Variants in PRKG1 observed in about 807,000 individuals in gnomAD.
PRKG1 encodes the protein protein kinase cGMP-dependent 1.
Under a neutral mutation model 88.1 loss-of-function variants are expected in PRKG1, and 35 were observed. The ratio of observed to expected loss-of-function variants is 0.40; its 90% CI spans 0.30 to 0.53. PRKG1 has a LOEUF of 0.53. PRKG1 is among the 20% of genes least tolerant of loss of function. The pLI, the probability that PRKG1 is intolerant of heterozygous loss-of-function variation, is 0.59. For synonymous variants in PRKG1, 303 were observed against 292.5 expected, an observed-to-expected ratio of 1.04 and a Z score of -0.37; for missense variants, 540 against 839.8, an observed-to-expected ratio of 0.64 and a Z score of 4.41.
intron 1 of PRKG1, among the ~76,000 whole-genome samples, chr10:51,088,770 G>T (rs1482021140): frequency 1.3e-5 from 2 of 150,832 alleles, no homozygotes; most frequent in African/African-American, 4.9e-5. Flanking sequence ...CATCCTTGGA[G>T]CCCAGAAATG....
At chr10:52,190,910 A>C (rs1171016305) in intron 9 of PRKG1, among the ~76,000 whole-genome samples, 1 of 152,180 alleles carries the variant, frequency 6.6e-6, no homozygotes, top group Non-Finnish European at 1.5e-5. Flanking sequence ...ATTTCCTCCC[A>C]AATACATCCT....
intron 9 of PRKG1, among the ~76,000 whole-genome samples, chr10:52,178,548 G>T (rs1838927239): frequency 6.6e-6 from 1 of 151,704 alleles, no homozygotes; most frequent in Non-Finnish European, 1.5e-5. Context: ...ATGTTTCTTT[G>T]TTGATTTTTT....
chr10:52,246,467 T>C (rs1320622336), intron 9 of PRKG1, among the ~76,000 whole-genome samples: 1 of 152,170 alleles, frequency 6.6e-6, no homozygotes, highest in Admixed American at 6.5e-5. Flanking sequence ...CTTGTAACTT[T>C]ACATTTTTAT....
intron 4 of PRKG1, among the ~76,000 whole-genome samples, chr10:51,884,466 A>AAAAG (rs1841519477): frequency 7.2e-6 from 1 of 139,540 alleles, no homozygotes; most frequent in Non-Finnish European, 1.5e-5. Flanking sequence ...AAAAAAAAAA[A>AAAAG]AAAAGAAAAG....
intron 2 of PRKG1, among the ~76,000 whole-genome samples, chr10:51,443,880 C>T (rs1032091620): frequency 1.3e-5 from 2 of 151,942 alleles, no homozygotes; most frequent in African/African-American, 4.8e-5. Context: ...ATCTTGAAGT[C>T]TTGTTAAATC....
At chr10:51,707,066 T>A (rs917720364) in intron 3 of PRKG1, among the ~76,000 whole-genome samples, 1 of 152,172 alleles carries the variant, frequency 6.6e-6, no homozygotes, top group Non-Finnish European at 1.5e-5. Flanking sequence ...ATTTTCAAGT[T>A]GTACAACCTT....
At chr10:51,600,397 G>A (rs1276765289) in intron 3 of PRKG1, among the ~76,000 whole-genome samples, 3 of 152,232 alleles carry the variant, frequency 2.0e-5, no homozygotes, top group East Asian at 1.9e-4. Flanking sequence ...GCTGGAAGTT[G>A]GGATACTTTT....
chr10:50,991,198 G>A lies in PRKG1; in HGVS notation c.-181G>A. The A allele has an allele frequency of 2.4e-6, 2 of 817,576 alleles. No homozygotes were observed. The highest frequency in any genetic ancestry group is 3.6e-6 in the Non-Finnish European group (2 of 551,622). 50.6% of individuals were successfully genotyped at this position (817,576 alleles called of 1,614,324 possible). ...TGCTTTTAGTCCATTCAGCAGAAGCGGATCGAAGCAGGAGGCTCCCCGCGC... is the reference window on the plus strand; with the variant it reads ...TGCTTTTAGTCCATTCAGCAGAAGCAGATCGAAGCAGGAGGCTCCCCGCGC... On this transcript the variant is annotated 5_prime_UTR_variant, in exon 1 of 18. Transcript: ENST00000401604. This position sits in a 1 kb window ranked among gnomAD's most constrained non-coding sequence, Gnocchi z 4.5.
intron 3 of PRKG1, among the ~76,000 whole-genome samples, chr10:51,511,094 A>G (rs890983671): frequency 5.9e-5 from 9 of 152,102 alleles, no homozygotes; most frequent in African/African-American, 1.7e-4. Context: ...GTGTTTCATT[A>G]TATAGTTTAA....
Position 52,282,329 on chromosome 10 carries a change from A to G in PRKG1, c.1709+13A>G. 6.3e-7 allele frequency: 1 copy of G among 1,576,938 alleles called. No individual in the cohort carries two copies. Among genetic ancestry groups the G allele is most frequent in the Non-Finnish European group, 8.6e-7 (1 of 1,158,596 alleles). On this transcript the variant is annotated intron_variant, in intron 14 of 17. Coordinates refer to ENST00000373980, the MANE Select transcript of PRKG1 (RefSeq NM_006258.4). The stretch of plus-strand genomic sequence containing the variant: ...TCCTGACTGGCAGGTATGGATATTG[A>G]TAGGGAACTGCTGATAAAAATAGAC...
At chr10:51,923,318 A>G (rs894695596) in intron 5 of PRKG1, among the ~76,000 whole-genome samples, 3 of 151,662 alleles carry the variant, frequency 2.0e-5, no homozygotes, top group African/African-American at 7.3e-5. Context: ...AAGATAACCT[A>G]TGGTTTCTTT....
At chr10:51,742,543 A>AC (rs1166461590) in intron 3 of PRKG1, among the ~76,000 whole-genome samples, 4 of 152,070 alleles carry the variant, frequency 2.6e-5, no homozygotes, top group African/African-American at 9.7e-5. Context: ...AAGAGGTAAG[A>AC]CCCTCAGCCA....
At chr10:51,568,269 AT>A (rs1190628139) in intron 3 of PRKG1, among the ~76,000 whole-genome samples, 1 of 152,130 alleles carries the variant, frequency 6.6e-6, no homozygotes, top group African/African-American at 2.4e-5. Flanking sequence ...AAATGCATAT[AT>A]AGTGCAGGGA....
At chr10:51,556,911 A>C (rs1331133346) in intron 3 of PRKG1, among the ~76,000 whole-genome samples, 1 of 152,088 alleles carries the variant, frequency 6.6e-6, no homozygotes, top group Non-Finnish European at 1.5e-5. Context: ...ATTTCTAGAA[A>C]GCATTAATTA....
intron 1 of PRKG1, among the ~76,000 whole-genome samples, chr10:51,131,572 C>T (rs942158985): frequency 3.9e-5 from 6 of 152,170 alleles, no homozygotes; most frequent in African/African-American, 1.4e-4. Flanking sequence ...CATGGTGAAA[C>T]TCCATCTCTA....
intron 4 of PRKG1, among the ~76,000 whole-genome samples, chr10:51,878,290 T>C (rs1841351032): frequency 6.6e-6 from 1 of 151,928 alleles, no homozygotes; most frequent in African/African-American, 2.4e-5. Context: ...ACCATTAAAG[T>C]ATGAACACTT....
chr10:51,717,479 C>A (rs113192283), intron 3 of PRKG1, among the ~76,000 whole-genome samples: 1 of 152,078 alleles, frequency 6.6e-6, no homozygotes, highest in Non-Finnish European at 1.5e-5. Flanking sequence ...CAGGCACATC[C>A]CTAGATTACA....
intron 2 of PRKG1, among the ~76,000 whole-genome samples, chr10:51,213,076 C>T (rs1475206377): frequency 1.3e-5 from 2 of 152,148 alleles, no homozygotes; most frequent in Non-Finnish European, 2.9e-5. Context: ...AAATGTCCAA[C>T]AGTGATAGAC....
intron 2 of PRKG1, among the ~76,000 whole-genome samples, chr10:51,314,187 C>G (rs1841262796): frequency 1.3e-5 from 2 of 152,210 alleles, no homozygotes; most frequent in East Asian, 3.9e-4. Flanking sequence ...ACAGCAACGT[C>G]ATGGTACAGC....
Sources: allele counts gnomAD v4.1 joint callset (sites outside exome capture counted in the v4.1 genomes callset), GRCh38; gene constraint gnomAD v4.1.1; non-coding constraint Gnocchi (gnomAD v3.1); transcripts MANE v1.5; gene names NCBI Gene and HGNC (gene_info 2026-07-23, HGNC 2026-07-21).